Variants in OXR1 observed in about 807,000 individuals in gnomAD.
The protein encoded by OXR1 is oxidation resistance 1, also known as oxidation resistance protein 1.
OXR1 carries 41 observed loss-of-function variants against 104.6 expected under a neutral mutation model. The observed-to-expected ratio is 0.39, with a 90% CI of 0.31 to 0.51. The LOEUF (loss-of-function observed/expected upper bound fraction) is 0.51. OXR1 is among the 20% of genes least tolerant of loss of function. The pLI, the probability that OXR1 is intolerant of heterozygous loss-of-function variation, is 0.77. For synonymous variants in OXR1, 348 were observed against 348.4 expected (o/e 1.00, Z 0.01); for missense variants, 955 against 1,031.9 (o/e 0.93, Z 1.02).
In OXR1 at chr8:106,524,570, G is replaced by A. The variant is rs141084380; in HGVS notation, c.220+5431G>A. Among the ~76,000 whole-genome samples the A allele has an allele frequency of 2.8e-3, 429 of 152,238 alleles. 4 individuals carry two copies. Among genetic ancestry groups the A allele is most frequent in the Non-Finnish European group, 5.5e-3 (372 of 68,016 alleles). The stretch of plus-strand genomic sequence containing the variant: ...ATCACTCAGTGACACACCAAACAGT[G>A]ATTAGTCCCTGATCAATCCCTGCTG... On this transcript the variant is annotated intron_variant, in intron 3 of 16. Transcript: ENST00000517566.
intron 2 of OXR1, among the ~76,000 whole-genome samples, chr8:106,480,291 T>C (rs770059214): frequency 1.3e-5 from 2 of 151,990 alleles, no homozygotes; most frequent in Admixed American, 1.3e-4. Flanking sequence ...ATTTGTCCAA[T>C]TATCTTGCTT....
intron 3 of OXR1, among the ~76,000 whole-genome samples, chr8:106,536,076 C>T (rs901899631): frequency 2.0e-5 from 3 of 151,754 alleles, no homozygotes; most frequent in Non-Finnish European, 4.4e-5. Context: ...AAAAATTAGC[C>T]GGGCGTGGTG....
chr8:106,565,189 C>T (rs2130521175), intron 3 of OXR1, among the ~76,000 whole-genome samples: 1 of 152,298 alleles, frequency 6.6e-6, no homozygotes, highest in Non-Finnish European at 1.5e-5. Context: ...GTCAAATTAT[C>T]TGTGTTTGCA....
At chr8:106,339,325 C>T (rs13262543) in intron 1 of OXR1, among the ~76,000 whole-genome samples, 13 of 150,434 alleles carry the variant, frequency 8.6e-5, no homozygotes, top group African/African-American at 2.7e-4. Flanking sequence ...GAAACCCTGT[C>T]TCTACTAAAA....
intron 3 of OXR1, among the ~76,000 whole-genome samples, chr8:106,583,284 T>A (rs1818386273): frequency 6.6e-6 from 1 of 152,196 alleles, no homozygotes; most frequent in Non-Finnish European, 1.5e-5. Flanking sequence ...CTTTAAATAC[T>A]TCAAGCTAAA....
chr8:106,476,837 A>T (rs764415284), intron 2 of OXR1, among the ~76,000 whole-genome samples: 8 of 151,928 alleles, frequency 5.3e-5, no homozygotes, highest in Non-Finnish European at 1.0e-4. Context: ...TTAATTTGTC[A>T]TATAATGGCT....
rs1032254697 is a variant in OXR1 at position 106,525,772 on chromosome 8, A to G, written c.220+6633A>G. 5.3e-5 allele frequency among the ~76,000 whole-genome samples: 8 copies of G among 152,316 alleles called. No individual in the cohort carries two copies. In the South Asian group the frequency reaches 1.4e-3, roughly 28 times the overall value. ...TTCTCACCTTGTCAAGGGAATTGAC[A>G]GTCTATTTGTCCCTTTTAATCTTGT... On this transcript the variant is annotated intron_variant, in intron 3 of 16. Transcript: ENST00000517566.
chr8:106,709,635 A>G (rs967482038), intron 9 of OXR1, among the ~76,000 whole-genome samples: 3 of 152,062 alleles, frequency 2.0e-5, no homozygotes, highest in Admixed American at 6.6e-5. Context: ...ATTATAACCA[A>G]ATATTAAAAG....
At chr8:106,535,764 C>G (rs1052802226) in intron 3 of OXR1, among the ~76,000 whole-genome samples, 6 of 152,116 alleles carry the variant, frequency 3.9e-5, no homozygotes, top group African/African-American at 1.4e-4. Flanking sequence ...CCTACTCAAC[C>G]TTCATTTCTG....
chr8:106,701,494 A>G (rs1186278146), intron 7 of OXR1, among the ~76,000 whole-genome samples: 2 of 152,370 alleles, frequency 1.3e-5, no homozygotes, highest in East Asian at 3.9e-4. Context: ...GTGATGCCAA[A>G]TCAATCAGGA....
intron 3 of OXR1, among the ~76,000 whole-genome samples, chr8:106,541,790 G>GGGAA (rs1033908430): frequency 3.9e-5 from 6 of 152,102 alleles, no homozygotes; most frequent in Non-Finnish European, 8.8e-5. Flanking sequence ...AGTTCCCAAG[G>GGGAA]GGAATCTAGG....
intron 7 of OXR1, among the ~76,000 whole-genome samples, chr8:106,698,833 G>T (rs1440961488): frequency 6.6e-6 from 1 of 151,182 alleles, no homozygotes; most frequent in Non-Finnish European, 1.5e-5. Context: ...GTTACTTCTG[G>T]GTCTGTTTGC....
chr8:106,459,321 T>C (rs1479269359), intron 2 of OXR1, among the ~76,000 whole-genome samples: 2 of 152,122 alleles, frequency 1.3e-5, no homozygotes, highest in Non-Finnish European at 2.9e-5. Context: ...CCCTCTCTTA[T>C]GTTTTCTTCC....
At chr8:106,697,710 C>G (rs1830190081) in intron 7 of OXR1, 1 of 1,614,088 alleles carries the variant, frequency 6.2e-7, no homozygotes, top group Non-Finnish European at 8.5e-7. Flanking sequence ...TGCCATAGCG[C>G]TCAGCTGCTT....
chr8:106,486,795 A>G (rs1810688141), intron 2 of OXR1, among the ~76,000 whole-genome samples: 1 of 151,972 alleles, frequency 6.6e-6, no homozygotes, highest in Non-Finnish European at 1.5e-5. Flanking sequence ...GTGGGTTTCC[A>G]GTATAGTACA....
At chr8:106,359,684 G>A (rs1279238151) in intron 2 of OXR1, 48 bp downstream of exon 2, 1 of 1,399,738 alleles carries the variant, frequency 7.1e-7, no homozygotes, top group Non-Finnish European at 9.9e-7. Context: ...AATATATCAT[G>A]AGCAGTATTT....
At chr8:106,397,631 A>T (rs1057153986) in intron 2 of OXR1, among the ~76,000 whole-genome samples, 1 of 152,016 alleles carries the variant, frequency 6.6e-6, no homozygotes, top group Non-Finnish European at 1.5e-5. Context: ...AAATCTACAG[A>T]TTTCTTTTTT....
rs1442925388 is a variant in OXR1, at chr8:106,694,789, AATAG to A, written c.675+1916_675+1919del. ...TTAATAGATAAATACATATATATTT[AATAG>A]ATAAATACATATATATTTAATAGAT... On this transcript the variant is annotated intron_variant, in intron 7 of 16. Transcript: ENST00000517566. Among the ~76,000 whole-genome samples the A allele has an allele frequency of 2.4e-4, 29 of 122,736 alleles. 1 individual carries two copies. Among genetic ancestry groups the A allele is most frequent in the African/African-American group, 9.1e-4 (28 of 30,790 alleles). 80.5% of individuals were successfully genotyped at this position (122,736 alleles called of 152,430 possible).
intron 11 of OXR1, among the ~76,000 whole-genome samples, chr8:106,731,448 A>G (rs1025331532): frequency 1.3e-5 from 2 of 152,020 alleles, no homozygotes; most frequent in Non-Finnish European, 2.9e-5. Flanking sequence ...TTTCTTTTTC[A>G]TGGATTGTAC....
Sources: gnomAD v4.1 joint callset for allele counts (sites outside exome capture counted in the v4.1 genomes callset) on GRCh38, gnomAD v4.1.1 for gene constraint, MANE v1.5 for transcripts, NCBI Gene and HGNC (gene_info 2026-07-23, HGNC 2026-07-21) for gene names.